Variants in LRRC37A observed in about 807,000 individuals in gnomAD.
LRRC37A encodes the protein leucine rich repeat containing 37A, also known as leucine-rich repeat-containing protein 37A.
Under a neutral mutation model 35.4 loss-of-function variants are expected in LRRC37A, and 3 were observed. The observed-to-expected ratio is 0.08, with a 90% CI of 0.04 to 0.22. The LOEUF is 0.22. Ranked by LOEUF, LRRC37A falls within the 10% of genes least tolerant of loss-of-function variation. LRRC37A has a pLI of 1.00. For synonymous variants in LRRC37A, 23 were observed against 215.0 expected (o/e 0.11, Z 7.81); for missense variants, 67 against 565.3 (o/e 0.12, Z 8.94).
the LRRC37A span, among the ~76,000 whole-genome samples, chr17:46,272,561 C>T: frequency 6.6e-6 from 1 of 152,086 alleles, no homozygotes; most frequent in Non-Finnish European, 1.5e-5. Flanking sequence ...ATTTCAGGTG[C>T]CTGCCACCAT....
At chr17:46,267,714 C>T in the LRRC37A span, among the ~76,000 whole-genome samples, 12,063 of 137,800 alleles carry the variant, frequency 0.088, 1 homozygote, top group Middle Eastern at 0.14. Flanking sequence ...CCCACCCCCA[C>T]GGGTGAGAAC....
the LRRC37A span, among the ~76,000 whole-genome samples, chr17:46,268,265 C>T: frequency 2.0e-5 from 3 of 152,146 alleles, no homozygotes; most frequent in East Asian, 1.9e-4. Context: ...GTAATCTGCC[C>T]GCCTCGGCCT....
the LRRC37A span, among the ~76,000 whole-genome samples, chr17:46,270,580 C>G: frequency 0.025 from 3,732 of 152,180 alleles, 133 homozygotes; most frequent in African/African-American, 0.077. Flanking sequence ...TCAGGCATAA[C>G]TCAGGCCAGT....
At chr17:46,314,858 A>C (rs2050987424) in intron 5 of LRRC37A, among the ~76,000 whole-genome samples, 1 of 81,422 alleles carries the variant, frequency 1.2e-5, no homozygotes, top group Admixed American at 1.3e-4. Flanking sequence ...TCATAGAATA[A>C]GTTAGGAAAT....
chr17:46,268,194 T>C, the LRRC37A span, among the ~76,000 whole-genome samples: 1 of 152,244 alleles, frequency 6.6e-6, no homozygotes, highest in East Asian at 1.9e-4. Flanking sequence ...ACTTTTTGTA[T>C]TTTTAGTACA....
chr17:46,290,225 G>A (rs549647255), upstream of LRRC37A, among the ~76,000 whole-genome samples: 44 of 152,312 alleles, frequency 2.9e-4, no homozygotes, highest in African/African-American at 5.5e-4. Context: ...GACCTCCTGG[G>A]GTCAAGCAGT....
the LRRC37A span, among the ~76,000 whole-genome samples, chr17:46,250,222 TGCCCA>T: frequency 6.6e-6 from 1 of 152,248 alleles, no homozygotes; most frequent in East Asian, 1.9e-4. Flanking sequence ...TGAACCACTG[TGCCCA>T]GCCACCTCTG....
chr17:46,314,522 T>C (rs2050965952), intron 5 of LRRC37A, among the ~76,000 whole-genome samples: 1 of 80,128 alleles, frequency 1.2e-5, no homozygotes, highest in African/African-American at 3.2e-5. Flanking sequence ...AGCACGTTTA[T>C]CCGTTTATCA....
the LRRC37A span, among the ~76,000 whole-genome samples, chr17:46,265,315 CCTCT>C: frequency 1.3e-4 from 14 of 106,694 alleles, no homozygotes; most frequent in East Asian, 2.8e-3. Context: ...TCTTCTTCTT[CCTCT>C]TCTTCTTTTT....
upstream of LRRC37A, among the ~76,000 whole-genome samples, chr17:46,288,238 C>T (rs553570969): frequency 2.6e-5 from 4 of 151,972 alleles, no homozygotes; most frequent in East Asian, 7.8e-4. Flanking sequence ...ACCTCCCAGG[C>T]TCACATGATC....
In LRRC37A at chr17:46,314,463, G is replaced by A. The variant is rs2911786; in HGVS notation, c.2907-7859G>A. Among the ~76,000 whole-genome samples, 440 of 81,746 alleles carry A rather than the reference G, an allele frequency of 5.4e-3. 5 individuals are homozygous for A. Among genetic ancestry groups the A allele is most frequent in the African/African-American group, 0.013 (413 of 30,852 alleles). 53.6% of individuals were successfully genotyped at this position (81,746 alleles called of 152,430 possible). A position where few individuals can be genotyped will look rare whatever the true frequency, so the allele number is the denominator to read the frequency against. On this transcript the variant is annotated intron_variant, in intron 5 of 13. Transcript: ENST00000320254. ...ACATAGATGTTCAGGTGACGCCATT[G>A]CACTCAAGCCTGGGCAACAGAGTGA...
chr17:46,279,121 C>T, the LRRC37A span, among the ~76,000 whole-genome samples: 10 of 151,950 alleles, frequency 6.6e-5, no homozygotes, highest in South Asian at 8.3e-4. Context: ...TACATTATTA[C>T]GACAATGTAA....
At chr17:46,275,647 G>A in the LRRC37A span, among the ~76,000 whole-genome samples, 4 of 152,182 alleles carry the variant, frequency 2.6e-5, no homozygotes, top group African/African-American at 7.2e-5. Flanking sequence ...TTTAAAATAT[G>A]TATGTATATA....
At chr17:46,256,437 CT>C in the LRRC37A span, among the ~76,000 whole-genome samples, 2 of 152,116 alleles carry the variant, frequency 1.3e-5, no homozygotes, top group African/African-American at 4.8e-5. Flanking sequence ...ACCAGAGAGC[CT>C]TTCTTCTCTT....
In LRRC37A at chr17:46,314,593, G is replaced by A. The variant is rs1305369630; in HGVS notation, c.2907-7729G>A. On this transcript the variant is annotated intron_variant, in intron 5 of 13. Coordinates refer to ENST00000320254, the Ensembl canonical transcript of LRRC37A. ...CTGCTTCAGCCTCCCAAAATGCTGGGATTACAGGCATGAGCTACCATGCCC... is the reference window on the plus strand; with the variant it reads ...CTGCTTCAGCCTCCCAAAATGCTGGAATTACAGGCATGAGCTACCATGCCC... Among the ~76,000 whole-genome samples, 3 of 75,582 alleles carry A rather than the reference G, an allele frequency of 4.0e-5. 1 individual carries two copies. In the Admixed American group the frequency reaches 4.2e-4, roughly 11 times the overall value. 49.6% of individuals were successfully genotyped at this position (75,582 alleles called of 152,430 possible).
At chr17:46,316,818 AACG>A (rs2051153456) in intron 5 of LRRC37A, among the ~76,000 whole-genome samples, 1 of 101,852 alleles carries the variant, frequency 9.8e-6, no homozygotes, top group Non-Finnish European at 2.2e-5. Context: ...GATGACTCTT[AACG>A]AGCATGCTGC....
the LRRC37A span, among the ~76,000 whole-genome samples, chr17:46,287,603 A>G: frequency 1.3e-5 from 2 of 152,286 alleles, no homozygotes; most frequent in Admixed American, 6.5e-5. Flanking sequence ...AATTAAAAAT[A>G]ATTTCTCATA....
At chr17:46,271,473 C>T in the LRRC37A span, among the ~76,000 whole-genome samples, 3 of 151,858 alleles carry the variant, frequency 2.0e-5, no homozygotes, top group East Asian at 1.9e-4. Flanking sequence ...TGAGCCACCA[C>T]GCCCAGCCGT....
chr17:46,287,402 T>C, the LRRC37A span, among the ~76,000 whole-genome samples: 1 of 152,206 alleles, frequency 6.6e-6, no homozygotes. Context: ...TAAAAATGTA[T>C]CTCACAATTT....
Sources: allele counts gnomAD v4.1 joint callset (sites outside exome capture counted in the v4.1 genomes callset), GRCh38; gene constraint gnomAD v4.1.1; transcripts MANE v1.5; gene names NCBI Gene and HGNC (gene_info 2026-07-23, HGNC 2026-07-21).